RTN4R: variants seen among roughly 807,000 people sequenced by gnomAD.
RTN4R encodes the protein reticulon-4 receptor.
A neutral mutation model predicts 27.7 loss-of-function variants in RTN4R; 4 were observed. The ratio of observed to expected loss-of-function variants is 0.14; its 90% CI spans 0.07 to 0.33. RTN4R has a LOEUF of 0.33. RTN4R is among the 10% of genes least tolerant of loss of function. The probability of loss-of-function intolerance (pLI) is 1.00; values close to 1 mark genes in which losing one functional copy is unlikely to be tolerated. For missense variants in RTN4R, 554 were observed against 671.5 expected (o/e 0.83, Z 1.93); for synonymous variants, 290 against 305.6 (o/e 0.95, Z 0.53).
chr22:20,264,932 C>T (rs1186380367), intron 1 of RTN4R, among the ~76,000 whole-genome samples: 5 of 152,132 alleles, frequency 3.3e-5, no homozygotes, highest in African/African-American at 1.2e-4. Context: ...CAGGGCCGGG[C>T]GGGGCGCCTG....
At chr22:20,243,920 A>T (rs1438086079) in intron 1 of RTN4R, among the ~76,000 whole-genome samples, 6 of 151,948 alleles carry the variant, frequency 3.9e-5, no homozygotes, top group African/African-American at 1.5e-4. Context: ...AGGGCCAGAT[A>T]CACCTGGGGC....
chr22:20,252,639 C>CA (rs542102351), intron 1 of RTN4R, among the ~76,000 whole-genome samples: 137 of 152,284 alleles, frequency 9.0e-4, no homozygotes, highest in Middle Eastern at 3.4e-3. Context: ...TCATCATCCC[C>CA]AGGCGACCAG....
Position 20,241,727 on chromosome 22 carries a change from A to G in RTN4R, c.1406T>C (p.Val469Ala). 1 of 1,550,326 alleles carries G rather than the reference A, an allele frequency of 6.5e-7. No homozygotes were observed. Residue 469 changes from valine to alanine, a missense_variant, in exon 2 of 2, where the codon GTG (valine) becomes GCG (alanine). Coordinates refer to ENST00000043402, the MANE Select transcript of RTN4R (RefSeq NM_023004.6). Reference protein sequence around the residue: ...PLGLALVLWTVLGPC With the variant: ...PLGLALVLWTALGPC ...CGCTGGGGGTCAGCAGGGCCCAAGC[A>G]CTGTCCACAGCACCAGCGCCAGGCC...
intron 1 of RTN4R, among the ~76,000 whole-genome samples, chr22:20,257,502 C>T (rs985329954): frequency 3.3e-5 from 5 of 152,288 alleles, no homozygotes; most frequent in South Asian, 2.1e-4. Flanking sequence ...CGTGAGGGCA[C>T]GGTAAGGAGG....
intron 1 of RTN4R, among the ~76,000 whole-genome samples, chr22:20,263,740 C>T (rs1160866738): frequency 6.6e-6 from 1 of 152,268 alleles, no homozygotes; most frequent in Non-Finnish European, 1.5e-5. Context: ...AGGCCACTCT[C>T]GAGGTGTGCC....
In RTN4R at chr22:20,241,712, C is replaced by T; in HGVS notation, c.1421G>A (p.Ter474=). The change falls in exon 2 of 2, where the codon TGA becomes TAA. Residue 474 remains the stop codon, a stop_retained_variant. Transcript: ENST00000043402. The part of the protein sequence containing the change: ...LVLWTVLGPC[*] ...GCACGCTCTTGTGTCCGCTGGGGGT[C>T]AGCAGGGCCCAAGCACTGTCCACAG... 6.5e-7 allele frequency: 1 copy of T among 1,549,588 alleles called. No individual in the cohort carries two copies. Among genetic ancestry groups the T allele is most frequent in the South Asian group, 1.2e-5 (1 of 84,074 alleles).
intron 1 of RTN4R, chr22:20,249,259 C>T (rs746301846): frequency 3.8e-6 from 2 of 526,612 alleles, no homozygotes; most frequent in South Asian, 2.8e-5. Flanking sequence ...CCTGGGGACG[C>T]ACTCTGAGCC....
intron 1 of RTN4R, among the ~76,000 whole-genome samples, chr22:20,248,860 T>G (rs954367622): frequency 6.6e-6 from 1 of 152,092 alleles, no homozygotes; most frequent in East Asian, 1.9e-4. Flanking sequence ...GCCTCGAGGA[T>G]TCATCTTTGG....
rs1280250077 is a variant in RTN4R, at chr22:20,242,215, C to T, written c.918G>A (p.Leu306=). 1 of 1,607,452 alleles carries T rather than the reference C, an allele frequency of 6.2e-7. No individual in the cohort carries two copies. Among genetic ancestry groups the T allele is most frequent in the African/African-American group, 1.3e-5 (1 of 74,970 alleles). Residue 306 remains leucine, a synonymous_variant, in exon 2 of 2, where the codon CTG becomes CTA. Coordinates refer to ENST00000043402, the MANE Select transcript of RTN4R (RefSeq NM_023004.6). ...GGCCGGTGGCCACAGCGCAGCCCTG[C>T]AGGTCATTGGCAGCTAGGCGTTTGA... ...RDLKRLAAND[L]QGCAVATGPY...
intron 1 of RTN4R, among the ~76,000 whole-genome samples, chr22:20,259,205 G>A (rs906996331): frequency 2.6e-5 from 4 of 152,200 alleles, no homozygotes; most frequent in African/African-American, 4.8e-5. Context: ...ACCGGCCTCC[G>A]CTCCGGCAGC....
At chr22:20,265,915 G>A (rs1319543625) in intron 1 of RTN4R, among the ~76,000 whole-genome samples, 3 of 152,238 alleles carry the variant, frequency 2.0e-5, no homozygotes, top group African/African-American at 4.8e-5. Context: ...TGGTGCAGGT[G>A]AGGAAGACTG....
intron 1 of RTN4R, among the ~76,000 whole-genome samples, chr22:20,261,019 G>T (rs1254342984): frequency 6.6e-6 from 1 of 152,156 alleles, no homozygotes; most frequent in Non-Finnish European, 1.5e-5. Context: ...GGCTCCCCTG[G>T]CATGAACTAA....
chr22:20,242,296 G>A lies in RTN4R; in HGVS notation c.837C>T (p.Arg279=), dbSNP rs773883326. The A allele has an allele frequency of 6.9e-6, 11 of 1,603,932 alleles. No homozygotes were observed. Among genetic ancestry groups the A allele is most frequent in the African/African-American group, 5.3e-5 (4 of 74,828 alleles). The change falls in exon 2 of 2, where the codon CGC becomes CGT. Residue 279 remains arginine (R), a synonymous_variant. Coordinates refer to ENST00000043402, the MANE Select transcript of RTN4R (RefSeq NM_023004.6). Reference sequence around the variant, plus strand: ...TGCAGGGCACCTCGGAGGAGGAGCCGCGGAACTTCTGCAGCCAGGCCCAGA... The same window carrying A: ...TGCAGGGCACCTCGGAGGAGGAGCCACGGAACTTCTGCAGCCAGGCCCAGA... The part of the protein sequence containing the change: ...RPLWAWLQKF[R]GSSSEVPCSL...
intron 1 of RTN4R, among the ~76,000 whole-genome samples, chr22:20,252,988 G>A (rs1052716980): frequency 6.6e-6 from 1 of 152,166 alleles, no homozygotes; most frequent in African/African-American, 2.4e-5. Context: ...TGTGACCTGG[G>A]TCAGCCTCGT....
intron 1 of RTN4R, among the ~76,000 whole-genome samples, chr22:20,260,943 G>C (rs907294025): frequency 1.3e-5 from 2 of 151,954 alleles, no homozygotes. Context: ...ACAGCTGCTA[G>C]CCCTGCCCGG....
At position 20,241,631 on chromosome 22, in the gene RTN4R, C is replaced by G; in HGVS notation, c.*80G>C. The G allele has an allele frequency of 1.3e-6, 2 of 1,509,190 alleles. No individual in the cohort carries two copies. Among genetic ancestry groups the G allele is most frequent in the South Asian group, 2.4e-5 (2 of 82,280 alleles). 93.5% of individuals were successfully genotyped at this position (1,509,190 alleles called of 1,614,324 possible). ...TGGCCTGCCCCACGGGTCGGCCGCC[C>G]GGCTGGCTTGGCGGCGTGGAGAGAG... On this transcript the variant is annotated 3_prime_UTR_variant, in exon 2 of 2. Transcript: ENST00000043402.
chr22:20,262,195 G>A (rs570800662), intron 1 of RTN4R, among the ~76,000 whole-genome samples: 25 of 152,214 alleles, frequency 1.6e-4, no homozygotes, highest in Admixed American at 1.6e-3. Context: ...GGGCTTGGAC[G>A]TTGGGTACGG....
At chr22:20,260,071 G>A (rs2051236082) in intron 1 of RTN4R, among the ~76,000 whole-genome samples, 1 of 152,128 alleles carries the variant, frequency 6.6e-6, no homozygotes, top group Admixed American at 6.5e-5. Context: ...GGGACACTTG[G>A]GGTTCACCTG....
intron 1 of RTN4R, among the ~76,000 whole-genome samples, chr22:20,254,955 G>T (rs1053730411): frequency 5.3e-5 from 8 of 152,228 alleles, no homozygotes; most frequent in African/African-American, 1.9e-4. Context: ...ACATTTATGG[G>T]ACCTGGGTTG....
Sources: gnomAD v4.1 joint callset for allele counts (sites outside exome capture counted in the v4.1 genomes callset) on GRCh38, gnomAD v4.1.1 for gene constraint, MANE v1.5 for transcripts, NCBI Gene and HGNC (gene_info 2026-07-23, HGNC 2026-07-21) for gene names.